Variants in CTDP1 observed in about 807,000 individuals in gnomAD.
CTDP1 encodes the protein CTD phosphatase 1.
A neutral mutation model predicts 91.8 loss-of-function variants in CTDP1; 47 were observed. The observed-to-expected ratio is 0.51, with a 90% CI of 0.41 to 0.65. The LOEUF is 0.65. CTDP1 is among the 30% of genes least tolerant of loss of function. The probability of loss-of-function intolerance (pLI) is 0.00; values close to 1 mark genes in which losing one functional copy is unlikely to be tolerated. For missense variants in CTDP1, 1,272 were observed against 1,373.7 expected (o/e 0.93, Z 1.17); for synonymous variants, 656 against 598.5 (o/e 1.10, Z -1.40).
At chr18:79,686,328 T>G (rs191308190) in intron 1 of CTDP1, among the ~76,000 whole-genome samples, 19 of 152,322 alleles carry the variant, frequency 1.2e-4, no homozygotes, top group Non-Finnish European at 1.2e-4. Context: ...CAGTTTTATG[T>G]GTGTTTTAAA....
Position 79,679,887 on chromosome 18 carries a change from GCGCTGCGCTC to G in CTDP1, c.-60_-51del. On this transcript the variant is annotated 5_prime_UTR_variant, in exon 1 of 13. Transcript: ENST00000613122. ...CGCCTGGGTTGTGTCGCCGCGGTAGGCGCTGCGCTCTGAGCGCAGCGCAGGCCCCGTACCG... is the reference window on the plus strand; with the variant it reads ...CGCCTGGGTTGTGTCGCCGCGGTAGGTGAGCGCAGCGCAGGCCCCGTACCG... The G allele has an allele frequency of 3.0e-6, 4 of 1,329,750 alleles. No homozygotes were observed. The highest frequency in any genetic ancestry group is 2.9e-6 in the Non-Finnish European group (3 of 1,030,430). The allele number at this position is 1,329,750 out of a possible 1,614,324, so 82.4% of individuals were successfully genotyped here.
Position 79,735,423 on chromosome 18 carries a change from T to C in CTDP1, c.2581-932T>C, listed in dbSNP as rs981557281. Among the ~76,000 whole-genome samples the C allele has an allele frequency of 3.3e-5, 5 of 152,236 alleles. No individual in the cohort carries two copies. The South Asian group carries it at 8.3e-4, about 25-fold the overall frequency. On this transcript the variant is annotated intron_variant, in intron 11 of 12. Coordinates refer to ENST00000613122, the MANE Select transcript of CTDP1 (RefSeq NM_004715.5). ...CGTCGGAGAGCTGTGAGCGGGGCCG[T>C]GCTCTTGGGATGGGAGCCCCCGGGA... is the stretch of plus-strand genomic sequence containing the variant.
intron 4 of CTDP1, 113 bp from the exon 5 acceptor site, chr18:79,704,654 C>T (rs2122557722): frequency 2.1e-6 from 3 of 1,440,738 alleles, no homozygotes; most frequent in Non-Finnish European, 2.9e-6. Context: ...CTTCAGAACG[C>T]TTGTCTGGGG....
chr18:79,742,150 GGCCTGGGGGCAGC>G (rs2086792199), intron 12 of CTDP1, among the ~76,000 whole-genome samples: 2 of 11,416 alleles, frequency 1.8e-4, no homozygotes, highest in African/African-American at 1.3e-4. Flanking sequence ...ATGAGGTGGA[GGCCTGGGGGCAGC>G]AGAGGAAGCA....
chr18:79,723,320 G>A lies in CTDP1; in HGVS notation c.2417+5304G>A, dbSNP rs920655455. Among the ~76,000 whole-genome samples the A allele has an allele frequency of 3.9e-5, 6 of 152,164 alleles. No homozygotes were observed. The South Asian group carries it at 1.2e-3, about 32-fold the overall frequency. On this transcript the variant is annotated intron_variant, in intron 10 of 12. Transcript: ENST00000613122. The stretch of plus-strand genomic sequence containing the variant: ...CAGGCCTCATATGTTGTGTGCATTG[G>A]TTGTGCTGCTGTGGAGGTGGCCCCG...
Position 79,736,529 on chromosome 18 carries a change from CG to C in CTDP1, c.2747+12del. ...AGGGGGCCGGGGGCCCAGGTGAGTG[CG>C]GGGTCTGAGGTGGGAGGGGCCTGAC... On this transcript the variant is annotated intron_variant, in intron 12 of 12. Coordinates refer to ENST00000613122, the MANE Select transcript of CTDP1 (RefSeq NM_004715.5). 2 of 1,535,618 alleles carry C rather than the reference CG, an allele frequency of 1.3e-6. No individual in the cohort carries two copies. Among genetic ancestry groups the C allele is most frequent in the East Asian group, 4.9e-5 (2 of 40,624 alleles).
At position 79,752,145 on chromosome 18, in the gene CTDP1, C is replaced by T. The variant is rs988132720; in HGVS notation, c.2748-1507C>T. Among the ~76,000 whole-genome samples the T allele has an allele frequency of 4.6e-5, 7 of 152,280 alleles. No homozygotes were observed. The South Asian group carries it at 8.3e-4, about 18-fold the overall frequency. The stretch of plus-strand genomic sequence containing the variant: ...GGTGTGCCCCGATCAAGTCGGCTCA[C>T]GTCACAGAAACCAGGTGCACCTGCA... On this transcript the variant is annotated intron_variant, in intron 12 of 12. Coordinates refer to ENST00000613122, the MANE Select transcript of CTDP1 (RefSeq NM_004715.5).
intron 8 of CTDP1, 92 bp from the exon 9 acceptor site, chr18:79,717,443 G>A (rs1179312876): frequency 3.2e-6 from 5 of 1,568,702 alleles, no homozygotes; most frequent in African/African-American, 1.3e-5. Flanking sequence ...GTGGGGTACA[G>A]CCAGGTGAGG....
chr18:79,689,752 A>C (rs900380584), intron 1 of CTDP1, among the ~76,000 whole-genome samples: 1 of 152,222 alleles, frequency 6.6e-6, no homozygotes, highest in Non-Finnish European at 1.5e-5. Context: ...CTGCACTGCA[A>C]ACTAGGTGAC....
chr18:79,694,260 TACAGGCACCTAGGG>T (rs1568178106), intron 1 of CTDP1, among the ~76,000 whole-genome samples: 4 of 139,980 alleles, frequency 2.9e-5, no homozygotes, highest in African/African-American at 1.1e-4. Context: ...GTGTGGGGGC[TACAGGCACCTAGGG>T]GTGGGCGCTG....
intron 11 of CTDP1, among the ~76,000 whole-genome samples, chr18:79,732,746 C>T (rs967089326): frequency 1.3e-4 from 20 of 149,842 alleles, no homozygotes; most frequent in African/African-American, 2.5e-4. Context: ...GACATAAGAA[C>T]TCACTGTCAC....
At chr18:79,703,145 A>T (rs1222606999) in intron 4 of CTDP1, 1 of 152,154 alleles carries the variant, frequency 6.6e-6, no homozygotes, top group East Asian at 1.9e-4. Flanking sequence ...AGAACTTCTC[A>T]CTCCTAAATA....
Position 79,714,591 on chromosome 18 carries a change from G to C in CTDP1, c.1131G>C (p.Leu377=). ...CTGGAGTGGAGCCCAGCAATGGCCT[G>C]GAGAAGCCTGCACGGGAGCTGAACG... ...QAPGVEPSNG[L]EKPARELNGS... The change falls in exon 8 of 13, where the codon CTG becomes CTC. Residue 377 remains leucine (L), a synonymous_variant. Transcript: ENST00000613122. 6.2e-7 allele frequency: 1 copy of C among 1,613,084 alleles called. No individual in the cohort carries two copies. Among genetic ancestry groups the C allele is most frequent in the African/African-American group, 1.3e-5 (1 of 75,074 alleles).
intron 10 of CTDP1, among the ~76,000 whole-genome samples, chr18:79,721,863 G>A (rs867919419): frequency 1.2e-4 from 18 of 146,150 alleles, no homozygotes; most frequent in East Asian, 7.9e-4. Context: ...TTGCTCCATC[G>A]TCCAGGCTGG....
chr18:79,685,112 CAGGCCCTT>C (rs1229820068), intron 1 of CTDP1, among the ~76,000 whole-genome samples: 1 of 152,228 alleles, frequency 6.6e-6, no homozygotes, highest in Non-Finnish European at 1.5e-5. Context: ...GTGGTGTGCT[CAGGCCCTT>C]GAGAGAGCCT....
chr18:79,756,492 T>C (rs1222183789), downstream of CTDP1: 1 of 152,244 alleles, frequency 6.6e-6, no homozygotes, highest in Non-Finnish European at 1.5e-5. Flanking sequence ...TCTGTGATCA[T>C]TGTTTAAGGG....
In CTDP1 at chr18:79,694,378, G is replaced by A. The variant is rs1291638426; in HGVS notation, c.315-847G>A. Among the ~76,000 whole-genome samples, 3 of 102,736 alleles carry A rather than the reference G, an allele frequency of 2.9e-5. 1 individual carries two copies. The highest frequency in any genetic ancestry group is 4.3e-5 in the Non-Finnish European group (2 of 46,316). The allele number at this position is 102,736 out of a possible 152,430, so 67.4% of individuals were successfully genotyped here. A position where few individuals can be genotyped will look rare whatever the true frequency, so the allele number is the denominator to read the frequency against. On this transcript the variant is annotated intron_variant, in intron 1 of 12. Coordinates refer to ENST00000613122, the MANE Select transcript of CTDP1 (RefSeq NM_004715.5). ...GGTTGCGAGCTCCTAGGGACACTGA[G>A]TGCCGGGCAGCCTCGTGTCCGCGGG... is the stretch of plus-strand genomic sequence containing the variant.
At chr18:79,689,221 C>G (rs1204665280) in intron 1 of CTDP1, among the ~76,000 whole-genome samples, 1 of 152,124 alleles carries the variant, frequency 6.6e-6, no homozygotes, top group South Asian at 2.1e-4. Flanking sequence ...TCAGTTAGAT[C>G]GCAGCTGTGC....
intron 4 of CTDP1, among the ~76,000 whole-genome samples, chr18:79,700,953 A>G (rs889073958): frequency 3.3e-5 from 5 of 152,190 alleles, no homozygotes; most frequent in Admixed American, 1.3e-4. Context: ...TGCTCCATCC[A>G]TGGAACAACA....
Sources: allele counts gnomAD v4.1 joint callset (sites outside exome capture counted in the v4.1 genomes callset), GRCh38; gene constraint gnomAD v4.1.1; transcripts MANE v1.5; gene names NCBI Gene and HGNC (gene_info 2026-07-23, HGNC 2026-07-21).